Variants in MGAT4C observed in about 807,000 individuals in gnomAD.
The protein encoded by MGAT4C is alpha-1,3-mannosyl-glycoprotein 4-beta-N-acetylglucosaminyltransferase C.
A neutral mutation model predicts 40.1 loss-of-function variants in MGAT4C; 19 were observed. That is an observed-to-expected ratio of 0.47 (90% confidence interval 0.33 to 0.70). The LOEUF is 0.70. Among genes scored for constraint, MGAT4C ranks in the 30% least tolerant of loss-of-function variants. The pLI, the probability that MGAT4C is intolerant of heterozygous loss-of-function variation, is 0.02. For missense variants in MGAT4C, 491 were observed against 563.2 expected, an observed-to-expected ratio of 0.87 and a Z score of 1.30; for synonymous variants, 181 against 187.1, an observed-to-expected ratio of 0.97 and a Z score of 0.27.
At chr12:86,449,367 G>T (rs965999720) in intron 2 of MGAT4C, among the ~76,000 whole-genome samples, 1 of 151,960 alleles carries the variant, frequency 6.6e-6, no homozygotes, top group Non-Finnish European at 1.5e-5. Flanking sequence ...ATTTACTAAA[G>T]GTATGCTCCT....
chr12:86,782,813 T>C (rs1046337225), intron 1 of MGAT4C, among the ~76,000 whole-genome samples: 1 of 152,118 alleles, frequency 6.6e-6, no homozygotes, highest in Non-Finnish European at 1.5e-5. Flanking sequence ...CAGTCAGAAA[T>C]TGGATATCTG....
At chr12:86,539,108 T>G (rs568346613) in intron 2 of MGAT4C, among the ~76,000 whole-genome samples, 1 of 152,248 alleles carries the variant, frequency 6.6e-6, no homozygotes, top group South Asian at 2.1e-4. Flanking sequence ...ATGTGCCATG[T>G]TGGTGTGCTG....
At chr12:86,421,365 T>C (rs1350320551) in intron 3 of MGAT4C, among the ~76,000 whole-genome samples, 1 of 152,212 alleles carries the variant, frequency 6.6e-6, no homozygotes, top group Admixed American at 6.5e-5. Context: ...TACATATTGA[T>C]TGATTGAACT....
chr12:86,728,485 G>C (rs1324391912), intron 1 of MGAT4C, among the ~76,000 whole-genome samples: 1 of 152,176 alleles, frequency 6.6e-6, no homozygotes. Context: ...GAGGTCAGCG[G>C]TTTGAGACCA....
At chr12:86,406,470 C>G (rs1351492177) in intron 3 of MGAT4C, among the ~76,000 whole-genome samples, 2 of 151,858 alleles carry the variant, frequency 1.3e-5, no homozygotes, top group African/African-American at 2.4e-5. Context: ...ATGCAAATCG[C>G]AAGTAAGCAC....
At chr12:86,552,112 C>T (rs2136397743) in intron 2 of MGAT4C, among the ~76,000 whole-genome samples, 1 of 140,350 alleles carries the variant, frequency 7.1e-6, no homozygotes, top group South Asian at 2.3e-4. Flanking sequence ...AGGAAAAATA[C>T]AAAATTCAAG....
chr12:86,636,636 T>C (rs1963227134), intron 2 of MGAT4C, among the ~76,000 whole-genome samples: 1 of 151,994 alleles, frequency 6.6e-6, no homozygotes, highest in Non-Finnish European at 1.5e-5. Flanking sequence ...GGGAAAGATA[T>C]TTTCAGGTAA....
intron 1 of MGAT4C, among the ~76,000 whole-genome samples, chr12:86,173,879 T>C (rs150427184): frequency 5.3e-5 from 8 of 152,238 alleles, no homozygotes; most frequent in African/African-American, 1.9e-4. Context: ...AGAATTGTAT[T>C]GGGTTTTTCC....
At chr12:86,734,894 G>A (rs1003582325) in intron 1 of MGAT4C, among the ~76,000 whole-genome samples, 4 of 151,982 alleles carry the variant, frequency 2.6e-5, no homozygotes, top group Admixed American at 1.3e-4. Flanking sequence ...TATTTGTTCT[G>A]GTAAGAAGTG....
chr12:86,700,634 G>A (rs1391649578), intron 2 of MGAT4C, among the ~76,000 whole-genome samples: 1 of 152,072 alleles, frequency 6.6e-6, no homozygotes, highest in Non-Finnish European at 1.5e-5. Flanking sequence ...TATATCTACT[G>A]AAACAGAAAT....
At chr12:86,107,764 A>C (rs1412999187) in intron 1 of MGAT4C, among the ~76,000 whole-genome samples, 1 of 152,176 alleles carries the variant, frequency 6.6e-6, no homozygotes, top group Non-Finnish European at 1.5e-5. Context: ...TTCTTAATGA[A>C]GTCATTGATG....
intron 1 of MGAT4C, among the ~76,000 whole-genome samples, chr12:86,734,392 G>T (rs1193531240): frequency 6.6e-6 from 1 of 151,968 alleles, no homozygotes; most frequent in East Asian, 1.9e-4. Flanking sequence ...GCATGTGCAG[G>T]GGCTGAACTT....
At chr12:86,244,335 G>A (rs1454709948) in intron 1 of MGAT4C, among the ~76,000 whole-genome samples, 1 of 152,188 alleles carries the variant, frequency 6.6e-6, no homozygotes, top group Admixed American at 6.5e-5. Context: ...CATTGGGGCA[G>A]GAGACAGACA....
intron 2 of MGAT4C, among the ~76,000 whole-genome samples, chr12:86,031,372 T>C (rs1353958788): frequency 6.6e-6 from 1 of 151,866 alleles, no homozygotes; most frequent in Non-Finnish European, 1.5e-5. Context: ...TCTTTTTCTC[T>C]GGTTTTGCTG....
intron 2 of MGAT4C, among the ~76,000 whole-genome samples, chr12:86,526,382 C>A (rs1190459743): frequency 6.6e-6 from 1 of 152,076 alleles, no homozygotes; most frequent in African/African-American, 2.4e-5. Context: ...GCAAGAAAAG[C>A]AACACACACA....
chr12:86,542,864 C>T (rs971327764), intron 2 of MGAT4C, among the ~76,000 whole-genome samples: 11 of 152,236 alleles, frequency 7.2e-5, no homozygotes, highest in African/African-American at 2.4e-4. Flanking sequence ...AAACTATTTT[C>T]CCAACTTGCG....
chr12:86,591,756 T>C (rs1961340428), intron 2 of MGAT4C, among the ~76,000 whole-genome samples: 1 of 151,672 alleles, frequency 6.6e-6, no homozygotes, highest in Admixed American at 6.6e-5. Flanking sequence ...ATATTACCTT[T>C]TGCAAATTTA....
At chr12:86,771,716 GTGT>G (rs1565979540) in intron 1 of MGAT4C, among the ~76,000 whole-genome samples, 1 of 149,482 alleles carries the variant, frequency 6.7e-6, no homozygotes, top group African/African-American at 2.5e-5. Flanking sequence ...GTGTGTGTGT[GTGT>G]GTGTATGTGT....
intron 2 of MGAT4C, among the ~76,000 whole-genome samples, chr12:86,556,630 A>G (rs1240650515): frequency 6.6e-6 from 1 of 152,202 alleles, no homozygotes; most frequent in Non-Finnish European, 1.5e-5. Context: ...GCCGTAATGC[A>G]TGCAGTAATT....
Sources: allele counts gnomAD v4.1 joint callset (sites outside exome capture counted in the v4.1 genomes callset), GRCh38; gene constraint gnomAD v4.1.1; transcripts MANE v1.5; gene names NCBI Gene and HGNC (gene_info 2026-07-23, HGNC 2026-07-21).